ASTN2: variants seen among roughly 807,000 people sequenced by gnomAD.
ASTN2 encodes astrotactin-2.
In ASTN2, 54 loss-of-function variants were observed where a neutral mutation model predicts 139.8. The ratio of observed to expected loss-of-function variants is 0.39; its 90% CI spans 0.31 to 0.48. The LOEUF (loss-of-function observed/expected upper bound fraction) is 0.48, where lower values mean the gene tolerates loss of function less well. ASTN2 is among the 20% of genes least tolerant of loss of function. ASTN2 has a pLI of 0.95. For missense variants in ASTN2, 1,565 were observed against 1,725.1 expected (o/e 0.91, Z 1.64); for synonymous variants, 756 against 719.5 (o/e 1.05, Z -0.81).
intron 1 of ASTN2, among the ~76,000 whole-genome samples, chr9:117,341,057 G>T (rs1289812419): frequency 6.6e-6 from 1 of 152,178 alleles, no homozygotes; most frequent in Non-Finnish European, 1.5e-5. Context: ...AGGTCAAAGT[G>T]AAGAGATATA....
intron 10 of ASTN2, among the ~76,000 whole-genome samples, chr9:116,883,253 A>C (rs1833498746): frequency 6.6e-6 from 1 of 152,238 alleles, no homozygotes; most frequent in South Asian, 2.1e-4. Flanking sequence ...AAAGTTTGTT[A>C]TAATATTAAT....
chr9:116,777,654 T>C (rs1033050522), intron 13 of ASTN2, among the ~76,000 whole-genome samples: 5 of 152,048 alleles, frequency 3.3e-5, no homozygotes, highest in Non-Finnish European at 2.9e-5. Flanking sequence ...GACTGAGAAT[T>C]TGCATTTCAC....
At chr9:116,883,019 A>G (rs1833491224) in intron 10 of ASTN2, among the ~76,000 whole-genome samples, 1 of 152,176 alleles carries the variant, frequency 6.6e-6, no homozygotes, top group Non-Finnish European at 1.5e-5. Context: ...GTACACGTTG[A>G]CCAAGTGATC....
chr9:117,045,321 T>A (rs79987180), intron 5 of ASTN2, among the ~76,000 whole-genome samples: 7 of 31,840 alleles, frequency 2.2e-4, no homozygotes, highest in Admixed American at 9.7e-4. Flanking sequence ...TGCCTGAGTA[T>A]TTTTTTTTTT....
intron 19 of ASTN2, among the ~76,000 whole-genome samples, chr9:116,505,561 AT>A (rs1488834033): frequency 2.0e-5 from 3 of 152,226 alleles, no homozygotes; most frequent in African/African-American, 7.2e-5. Flanking sequence ...AAGTATTACC[AT>A]TTTAATAGAA....
intron 1 of ASTN2, among the ~76,000 whole-genome samples, chr9:117,299,695 T>C (rs1000077393): frequency 3.3e-5 from 5 of 152,176 alleles, no homozygotes; most frequent in African/African-American, 1.2e-4. Flanking sequence ...CAGGTCCCAC[T>C]TGGGGCTCCT....
chr9:116,828,277 G>A (rs551593375), intron 11 of ASTN2, among the ~76,000 whole-genome samples: 84 of 143,030 alleles, frequency 5.9e-4, no homozygotes, highest in African/African-American at 2.2e-3. Flanking sequence ...CTCTAGCCTG[G>A]GCAACAGAGC....
At chr9:117,315,404 C>A (rs1233201325) in intron 1 of ASTN2, among the ~76,000 whole-genome samples, 1 of 152,158 alleles carries the variant, frequency 6.6e-6, no homozygotes, top group African/African-American at 2.4e-5. Context: ...TTTGCCAGCC[C>A]TCTCCCAGCC....
At chr9:116,942,461 T>C (rs1835268507) in intron 10 of ASTN2, among the ~76,000 whole-genome samples, 9 of 152,208 alleles carry the variant, frequency 5.9e-5, no homozygotes, top group Admixed American at 5.9e-4. Flanking sequence ...TCCTGGGTGC[T>C]AGATTGAGAT....
chr9:116,515,242 G>C (rs1316371836), intron 19 of ASTN2, among the ~76,000 whole-genome samples: 1 of 152,158 alleles, frequency 6.6e-6, no homozygotes, highest in Non-Finnish European at 1.5e-5. Context: ...ACAGCACCCT[G>C]ACTTTGTTCA....
chr9:117,059,511 G>T (rs1288219072), intron 5 of ASTN2, among the ~76,000 whole-genome samples: 2 of 152,060 alleles, frequency 1.3e-5, no homozygotes, highest in Non-Finnish European at 2.9e-5. Flanking sequence ...TACTAAGTAG[G>T]CTGAGGCAGG....
At chr9:116,959,020 T>G (rs2132499665) in intron 10 of ASTN2, among the ~76,000 whole-genome samples, 1 of 152,004 alleles carries the variant, frequency 6.6e-6, no homozygotes, top group Non-Finnish European at 1.5e-5. Flanking sequence ...GAGAAGGTGA[T>G]AAGTGCCTGG....
intron 10 of ASTN2, among the ~76,000 whole-genome samples, chr9:116,940,773 A>G (rs781366618): frequency 6.6e-6 from 1 of 152,174 alleles, no homozygotes; most frequent in Non-Finnish European, 1.5e-5. Context: ...GTAATGTCCT[A>G]GGCCTTCACT....
chr9:116,502,690 G>T (rs367764737), intron 19 of ASTN2, among the ~76,000 whole-genome samples: 1 of 13,896 alleles, frequency 7.2e-5, no homozygotes, highest in Admixed American at 8.6e-4. Flanking sequence ...AAAGAAGGAA[G>T]GAAGGAAGGA....
At chr9:116,697,260 A>C (rs1316921331) in intron 16 of ASTN2, 1 of 163,466 alleles carries the variant, frequency 6.1e-6, no homozygotes, top group Non-Finnish European at 1.4e-5. Context: ...ATTAGCATTT[A>C]TTACAAGTAT....
intron 1 of ASTN2, among the ~76,000 whole-genome samples, chr9:117,313,479 AAAG>A (rs928052654): frequency 1.7e-4 from 26 of 152,314 alleles, no homozygotes; most frequent in Non-Finnish European, 3.2e-4. Context: ...GAGGTGGCGC[AAAG>A]AAGAAGATGC....
chr9:117,380,680 A>G (rs1297707163), intron 1 of ASTN2, among the ~76,000 whole-genome samples: 1 of 151,918 alleles, frequency 6.6e-6, no homozygotes, highest in Admixed American at 6.6e-5. Context: ...GTGATATATG[A>G]TGTGGGTCTA....
In ASTN2 at chr9:116,552,862, C is replaced by T. The variant is rs112306019; in HGVS notation, c.3356-65362G>A. Reference sequence around the variant, plus strand: ...GTGGACGTGCACAACCTCTGCAGGGCAGTCAAGGGCTTTTCTTGGGATTTT... The same window carrying T: ...GTGGACGTGCACAACCTCTGCAGGGTAGTCAAGGGCTTTTCTTGGGATTTT... On this transcript the variant is annotated intron_variant, in intron 19 of 22. Coordinates refer to ENST00000313400, the MANE Select transcript of ASTN2 (RefSeq NM_001365068.1). 4.9e-3 allele frequency among the ~76,000 whole-genome samples: 750 copies of T among 152,332 alleles called. 5 individuals are homozygous for T. Among genetic ancestry groups the T allele is most frequent in the African/African-American group, 0.017 (727 of 41,576 alleles).
At chr9:116,541,010 A>G (rs568431990) in intron 19 of ASTN2, among the ~76,000 whole-genome samples, 10 of 152,046 alleles carry the variant, frequency 6.6e-5, no homozygotes, top group African/African-American at 2.4e-4. Context: ...TCTAATGAAA[A>G]AAAAAAGCAG....
Sources: gnomAD v4.1 joint callset for allele counts (sites outside exome capture counted in the v4.1 genomes callset) on GRCh38, gnomAD v4.1.1 for gene constraint, MANE v1.5 for transcripts, NCBI Gene and HGNC (gene_info 2026-07-23, HGNC 2026-07-21) for gene names.